Variants in COL24A1 observed in about 807,000 individuals in gnomAD.
COL24A1 encodes the protein collagen alpha-1(XXIV) chain.
A neutral mutation model predicts 253.9 loss-of-function variants in COL24A1; 224 were observed. The ratio of observed to expected loss-of-function variants is 0.88; its 90% CI spans 0.79 to 0.99. The LOEUF (loss-of-function observed/expected upper bound fraction) is 0.99. Ranked by LOEUF, COL24A1 falls within the 50% of genes least tolerant of loss-of-function variation. COL24A1 has a pLI of 0.00. For synonymous variants in COL24A1, 685 were observed against 673.7 expected (o/e 1.02, Z -0.26); for missense variants, 2,131 against 2,068.5 (o/e 1.03, Z -0.59).
chr1:85,881,130 G>A (rs1681785059), intron 32 of COL24A1, among the ~76,000 whole-genome samples: 2 of 152,078 alleles, frequency 1.3e-5, no homozygotes, highest in African/African-American at 2.4e-5. Context: ...TTCTTTAAAT[G>A]TTTAGTTGAA....
At chr1:85,918,907 C>A (rs1053824202) in intron 24 of COL24A1, among the ~76,000 whole-genome samples, 10 of 152,170 alleles carry the variant, frequency 6.6e-5, no homozygotes, top group Non-Finnish European at 1.0e-4. Flanking sequence ...GATTATACCT[C>A]CCTATGCTAC....
intron 43 of COL24A1, among the ~76,000 whole-genome samples, chr1:85,829,990 A>G (rs191787604): frequency 4.9e-4 from 74 of 152,152 alleles, no homozygotes; most frequent in African/African-American, 1.7e-3. Context: ...TTGGAGGAGG[A>G]GAGGCGCTCT....
intron 10 of COL24A1, 99 bp from the exon 11 acceptor site, chr1:86,050,276 G>A (rs917411914): frequency 3.1e-5 from 28 of 890,270 alleles, no homozygotes; most frequent in African/African-American, 1.9e-4. Flanking sequence ...GTAGTAGTAC[G>A]AAATTACAAG....
At chr1:85,990,458 T>C (rs907838017) in intron 19 of COL24A1, among the ~76,000 whole-genome samples, 4 of 152,122 alleles carry the variant, frequency 2.6e-5, no homozygotes, top group African/African-American at 9.7e-5. Flanking sequence ...CACAACAGGG[T>C]TCGTGCTCCT....
chr1:86,031,589 G>C (rs1040696490), intron 14 of COL24A1, among the ~76,000 whole-genome samples: 2 of 152,012 alleles, frequency 1.3e-5, no homozygotes, highest in Non-Finnish European at 2.9e-5. Context: ...TTATGCTTTT[G>C]AGGAAACTTT....
Position 85,737,367 on chromosome 1 carries a change from G to A in COL24A1, c.4782+29C>T, listed in dbSNP as rs763843620. On this transcript the variant is annotated intron_variant, in intron 58 of 59. Coordinates refer to ENST00000370571, the MANE Select transcript of COL24A1 (RefSeq NM_152890.7). ...TTTCACTGATACTGTGCAATATAAC[G>A]ACATGTGTTCTAAAATTCAGTAACA... 8 of 1,412,108 alleles carry A rather than the reference G, an allele frequency of 5.7e-6. 1 individual carries two copies. Among genetic ancestry groups the A allele is most frequent in the East Asian group, 2.4e-5 (1 of 42,552 alleles). The allele number at this position is 1,412,108 out of a possible 1,614,324, so 87.5% of individuals were successfully genotyped here.
intron 19 of COL24A1, among the ~76,000 whole-genome samples, chr1:85,997,713 G>A (rs12023979): frequency 0.37 from 56,080 of 151,072 alleles, 10,887 homozygotes; most frequent in East Asian, 0.58. Flanking sequence ...ACCCAGAGGC[G>A]GAGGTTGCAG....
At chr1:86,028,508 C>T (rs1393441880) in intron 14 of COL24A1, among the ~76,000 whole-genome samples, 2 of 152,188 alleles carry the variant, frequency 1.3e-5, no homozygotes, top group East Asian at 3.9e-4. Context: ...CTGCTACCCT[C>T]TACAGAAGGC....
intron 5 of COL24A1, among the ~76,000 whole-genome samples, chr1:86,112,238 TA>T (rs1705693746): frequency 6.6e-6 from 1 of 152,190 alleles, no homozygotes; most frequent in Middle Eastern, 3.2e-3. Context: ...AAAACGACCT[TA>T]ATTTAAGGTA....
intron 19 of COL24A1, among the ~76,000 whole-genome samples, chr1:86,009,456 A>G (rs949018523): frequency 6.6e-6 from 1 of 152,198 alleles, no homozygotes; most frequent in Non-Finnish European, 1.5e-5. Flanking sequence ...CCTAAGCTAT[A>G]TGGTATAGCC....
chr1:85,868,576 C>G lies in COL24A1; in HGVS notation c.3243G>C (p.Glu1081Asp). 1 of 1,613,932 alleles carries G rather than the reference C, an allele frequency of 6.2e-7. No homozygotes were observed. Among genetic ancestry groups the G allele is most frequent in the South Asian group, 1.1e-5 (1 of 91,070 alleles). Residue 1081 changes from glutamate (E) to aspartate (D), a missense_variant, in exon 37 of 60, where the codon GAG (glutamate) becomes GAC (aspartate). By Grantham distance (45) the Glu-to-Asp change is conservative. Coordinates refer to ENST00000370571, the MANE Select transcript of COL24A1 (RefSeq NM_152890.7). ...GLPGEDGEKG[E>D]MGLPGIIGPL... Reference sequence around the variant, plus strand: ...GTCCTATAATTCCTGGTAAGCCCATCTCTCCTTTTTCTCCATCCTCTCCAG... The same window carrying G: ...GTCCTATAATTCCTGGTAAGCCCATGTCTCCTTTTTCTCCATCCTCTCCAG...
chr1:85,808,900 G>T (rs1001037945), intron 47 of COL24A1, among the ~76,000 whole-genome samples: 2 of 152,136 alleles, frequency 1.3e-5, no homozygotes, highest in Non-Finnish European at 2.9e-5. Context: ...TGGACAATTT[G>T]GTGGGCAGGC....
intron 59 of COL24A1, among the ~76,000 whole-genome samples, chr1:85,733,103 G>C (rs1557917294): frequency 6.6e-6 from 1 of 152,038 alleles, no homozygotes; most frequent in Non-Finnish European, 1.5e-5. Context: ...TTCAAATATA[G>C]ATAATAAAAT....
At position 85,857,458 on chromosome 1, in the gene COL24A1, CAA is replaced by C. The variant is rs57368737; in HGVS notation, c.3301-8054_3301-8053del. Among the ~76,000 whole-genome samples the C allele has an allele frequency of 1.7e-3, 163 of 94,452 alleles. No homozygotes were observed. In the East Asian group the frequency reaches 0.02, roughly 11 times the overall value. 62.0% of individuals were successfully genotyped at this position (94,452 alleles called of 152,430 possible). ...AGTTCAGCAAGGGAACCCTCTTCTC[CAA>C]AAAAAAAAAAAAAGAAAAAAAAAAA... is the stretch of plus-strand genomic sequence containing the variant. On this transcript the variant is annotated intron_variant, in intron 37 of 59. Transcript: ENST00000370571.
intron 47 of COL24A1, among the ~76,000 whole-genome samples, chr1:85,800,825 T>C (rs1361473577): frequency 6.6e-6 from 1 of 152,196 alleles, no homozygotes; most frequent in African/African-American, 2.4e-5. Flanking sequence ...CATGCATCCT[T>C]GTTTCAAGTG....
chr1:85,851,783 A>G (rs1677799988), intron 37 of COL24A1, among the ~76,000 whole-genome samples: 1 of 152,148 alleles, frequency 6.6e-6, no homozygotes, highest in Non-Finnish European at 1.5e-5. Flanking sequence ...TTATTTAGTT[A>G]CATGTATATG....
intron 7 of COL24A1, among the ~76,000 whole-genome samples, chr1:86,075,594 A>G (rs1285750429): frequency 6.6e-6 from 1 of 152,222 alleles, no homozygotes; most frequent in Non-Finnish European, 1.5e-5. Context: ...CAAGAATAAA[A>G]GAAAATTTCA....
chr1:86,086,527 C>G (rs550917896), intron 7 of COL24A1, among the ~76,000 whole-genome samples: 8 of 152,200 alleles, frequency 5.3e-5, no homozygotes, highest in Middle Eastern at 6.8e-3. Context: ...TCACCTAGAA[C>G]CAAAGCCAAT....
rs184468779 is a variant in COL24A1, at chr1:85,791,947, G to C, written c.3952-5486C>G. On this transcript the variant is annotated intron_variant, in intron 47 of 59. Transcript: ENST00000370571. ...CCTAAAGAAACCCACAGAGAAAGCAGATTTTAATAAGCTAAGTGTTATCCT... is the reference window on the plus strand; with the variant it reads ...CCTAAAGAAACCCACAGAGAAAGCACATTTTAATAAGCTAAGTGTTATCCT... Among the ~76,000 whole-genome samples the C allele has an allele frequency of 6.6e-5, 10 of 152,070 alleles. No homozygotes were observed. In the East Asian group the frequency reaches 1.7e-3, roughly 26 times the overall value.
Sources: gnomAD v4.1 joint callset for allele counts (sites outside exome capture counted in the v4.1 genomes callset) on GRCh38, gnomAD v4.1.1 for gene constraint, MANE v1.5 for transcripts, NCBI Gene and HGNC (gene_info 2026-07-23, HGNC 2026-07-21) for gene names.